Variants in AMPD1 observed in about 807,000 individuals in gnomAD.
AMPD1 encodes AMP deaminase 1.
Under a neutral mutation model 82.9 loss-of-function variants are expected in AMPD1, and 74 were observed. The observed-to-expected ratio is 0.89, with a 90% CI of 0.74 to 1.08. The LOEUF (loss-of-function observed/expected upper bound fraction) is 1.08, where lower values mean the gene tolerates loss of function less well. AMPD1 is among the 50% of genes least tolerant of loss of function. AMPD1 has a pLI of 0.00. For synonymous variants in AMPD1, 333 were observed against 320.5 expected, an observed-to-expected ratio of 1.04 and a Z score of -0.42; for missense variants, 881 against 924.5, an observed-to-expected ratio of 0.95 and a Z score of 0.61.
At chr1:114,694,761 C>T (rs1658629374) in intron 1 of AMPD1, among the ~76,000 whole-genome samples, 1 of 152,018 alleles carries the variant, frequency 6.6e-6, no homozygotes, top group Non-Finnish European at 1.5e-5. Flanking sequence ...GGAGGATCAC[C>T]AGATCCCAGA....
At chr1:114,689,686 G>A (rs111282032) in intron 2 of AMPD1, among the ~76,000 whole-genome samples, 15 of 152,252 alleles carry the variant, frequency 9.9e-5, no homozygotes, top group African/African-American at 2.9e-4. Context: ...GCATGGTAGT[G>A]CATGCCTGTA....
chr1:114,688,045 G>A (rs878987393), intron 3 of AMPD1, among the ~76,000 whole-genome samples: 3 of 152,086 alleles, frequency 2.0e-5, no homozygotes, highest in Admixed American at 1.3e-4. Context: ...AGATATGGAC[G>A]AGATAGGAGG....
chr1:114,693,127 A>C (rs944812662), intron 2 of AMPD1, among the ~76,000 whole-genome samples: 2 of 143,546 alleles, frequency 1.4e-5, no homozygotes, highest in African/African-American at 5.2e-5. Context: ...AAAATAAATA[A>C]ATAAATAAAT....
chr1:114,673,776 A>C, intron 14 of AMPD1, 27 bp from the exon 15 acceptor site: 1 of 1,587,808 alleles, frequency 6.3e-7, no homozygotes, highest in Admixed American at 1.7e-5. Flanking sequence ...TGAGGAAAAA[A>C]GAGGAGTGAA....
In AMPD1 at chr1:114,681,609, A is replaced by G. The variant is rs1408647568; in HGVS notation, c.548-1131T>C. Among the ~76,000 whole-genome samples, 12 of 151,222 alleles carry G rather than the reference A, an allele frequency of 7.9e-5. 1 individual carries two copies. The highest frequency in any genetic ancestry group is 5.3e-4 in the Admixed American group (8 of 15,164). ...ACTCCATCTCAAAAAAAAAAAAAAA[A>G]AGAGAAAAAGAAAAAGAAAATGCAA... On this transcript the variant is annotated intron_variant, in intron 5 of 15. Transcript: ENST00000520113.
intron 10 of AMPD1, chr1:114,676,359 C>A (rs538112959): frequency 7.4e-5 from 22 of 298,850 alleles, no homozygotes; most frequent in African/African-American, 4.6e-4. Context: ...AAATGATTAC[C>A]AAGAATACCT....
At chr1:114,686,522 A>C (rs1162976270) in intron 4 of AMPD1, among the ~76,000 whole-genome samples, 1 of 152,188 alleles carries the variant, frequency 6.6e-6, no homozygotes, top group Non-Finnish European at 1.5e-5. Context: ...CATATTCTCC[A>C]TGTGCAAGCA....
At chr1:114,673,861 A>G (rs1380811303) in intron 14 of AMPD1, 48 bp downstream of exon 14, 2 of 1,603,242 alleles carry the variant, frequency 1.2e-6, no homozygotes, top group African/African-American at 2.7e-5. Context: ...TGGACGGGAA[A>G]CAACAGTCCA....
intron 4 of AMPD1, 79 bp downstream of exon 4, chr1:114,686,666 G>A (rs1658326226): frequency 6.7e-7 from 1 of 1,497,766 alleles, no homozygotes; most frequent in Non-Finnish European, 9.3e-7. Context: ...CAACAGGAAA[G>A]AGAAGAAGGC....
Position 114,688,652 on chromosome 1 carries a change from C to G in AMPD1, c.124G>C (p.Asp42His), listed in dbSNP as rs753932146. 1.9e-6 allele frequency: 3 copies of G among 1,614,146 alleles called. No individual in the cohort carries two copies. Among genetic ancestry groups the G allele is most frequent in the South Asian group, 2.2e-5 (2 of 91,080 alleles). ...EGGRQEISPF[D>H]VDEICPISHH... Reference sequence around the variant, plus strand: ...GAAATCGGACAGATCTCATCCACATCAAAGGGGGAAATCTCCTGACGACCT... The same window carrying G: ...GAAATCGGACAGATCTCATCCACATGAAAGGGGGAAATCTCCTGACGACCT... Residue 42 changes from aspartate to histidine, a missense_variant, in exon 3 of 16, where the codon GAT (aspartate) becomes CAT (histidine). Physicochemically the swap from Asp to His is moderately conservative, Grantham distance 81 (BLOSUM62 -1). This residue lies in a region of AMPD1 where 783 missense variants were observed against 786.4 expected (regional missense o/e 1.00). Transcript: ENST00000520113.
At position 114,674,855 on chromosome 1, in the gene AMPD1, G is replaced by A. The variant is rs781393982; in HGVS notation, c.1697C>T (p.Thr566Met). 23 of 1,613,970 alleles carry A rather than the reference G, an allele frequency of 1.4e-5. No individual in the cohort carries two copies. The highest frequency in any genetic ancestry group is 2.2e-5 in the East Asian group (1 of 44,882). Residue 566 changes from threonine (T) to methionine (M), a missense_variant, in exon 13 of 16, where the codon ACG becomes ATG. Physicochemically the swap from Thr to Met is moderately conservative, Grantham distance 81 (BLOSUM62 -1). Coordinates refer to ENST00000520113, the MANE Select transcript of AMPD1 (RefSeq NM_000036.3). ...TCCACAGTGAGGTCGGAACAGAAAC[G>A]TATTCATGCCTCGTTCCCTGGGGAA... ...NSLRKERGMN[T>M]FLFRPHCGEA...
chr1:114,681,716 T>C (rs968739226), intron 5 of AMPD1, among the ~76,000 whole-genome samples: 2 of 152,054 alleles, frequency 1.3e-5, no homozygotes, highest in African/African-American at 4.8e-5. Context: ...TTTGTTATAA[T>C]AGATGAATAT....
rs899116032 is a variant in AMPD1, at chr1:114,684,215, A to G, written c.531T>C (p.Asn177=). 1.9e-6 allele frequency: 3 copies of G among 1,614,060 alleles called. No individual in the cohort carries two copies. The highest frequency in any genetic ancestry group is 1.1e-5 in the South Asian group (1 of 91,094). ...RNIDGEAWVA[N]ESFYPVFTPP... ...AATTGTTACCTGGATAGAAGCTCTC[A>G]TTTGCTACCCAAGCCTCACCATCAA... Residue 177 remains asparagine (N), a synonymous_variant, in exon 5 of 16, where the codon AAT becomes AAC. Coordinates refer to ENST00000520113, the MANE Select transcript of AMPD1 (RefSeq NM_000036.3).
Position 114,674,772 on chromosome 1 carries a change from G to T in AMPD1, c.1780C>A (p.His594Asn), listed in dbSNP as rs1253410349. 1.9e-6 allele frequency: 3 copies of T among 1,613,602 alleles called. No individual in the cohort carries two copies. The East Asian group carries it at 6.7e-5, about 36-fold the overall frequency. Residue 594 changes from histidine to asparagine, a missense_variant, in exon 13 of 16, where the codon CAT becomes AAT. By Grantham distance (68) the His-to-Asn change is moderately conservative. This residue lies in a region of AMPD1 where 783 missense variants were observed against 786.4 expected (regional missense o/e 1.00). Coordinates refer to ENST00000520113, the MANE Select transcript of AMPD1 (RefSeq NM_000036.3). ...TAFMIADDIS[H>N]GLNLKKSPVL... Reference sequence around the variant, plus strand: ...CTCACCTTTTTTAAATTTAGGCCATGAGAGATATCATCTGCTATCATGAAT... The same window carrying T: ...CTCACCTTTTTTAAATTTAGGCCATTAGAGATATCATCTGCTATCATGAAT...
chr1:114,682,716 C>T lies in AMPD1; in HGVS notation c.547+1483G>A, dbSNP rs1043649436. 1.8e-4 allele frequency among the ~76,000 whole-genome samples: 28 copies of T among 152,190 alleles called. 1 individual carries two copies. The highest frequency in any genetic ancestry group is 1.0e-3 in the Admixed American group (16 of 15,298). On this transcript the variant is annotated intron_variant, in intron 5 of 15. Coordinates refer to ENST00000520113, the MANE Select transcript of AMPD1 (RefSeq NM_000036.3). Reference sequence around the variant, plus strand: ...GCCTCAGCCTCCGGAGTAGCTGGGACTACAGGCGCCCGCCACCACGCCTGG... The same window carrying T: ...GCCTCAGCCTCCGGAGTAGCTGGGATTACAGGCGCCCGCCACCACGCCTGG...
Position 114,677,520 on chromosome 1 carries a change from A to C in AMPD1, c.1225-6T>G. 1 of 1,613,610 alleles carries C rather than the reference A, an allele frequency of 6.2e-7. No homozygotes were observed. The highest frequency in any genetic ancestry group is 1.1e-5 in the South Asian group (1 of 91,046). On this transcript the variant is annotated splice_region_variant and splice_polypyrimidine_tract_variant and intron_variant, in intron 9 of 15. Transcript: ENST00000520113. ...ACCAGGTCCGCACCTACCTCCTGCA[A>C]AGCCAAGAGAGAAGTCCAAGCCAGG...
chr1:114,689,017 T>C, intron 2 of AMPD1: 2 of 659,020 alleles, frequency 3.0e-6, no homozygotes, highest in Admixed American at 1.8e-5. Flanking sequence ...CGGGCTGTTG[T>C]AGGACTAGCA....
At chr1:114,690,068 T>C (rs1037582315) in intron 2 of AMPD1, among the ~76,000 whole-genome samples, 40 of 152,190 alleles carry the variant, frequency 2.6e-4, no homozygotes, top group Admixed American at 2.3e-3. Context: ...AAACTGTATG[T>C]AGAGAGAAAG....
At chr1:114,688,168 C>T (rs1028918469) in intron 3 of AMPD1, among the ~76,000 whole-genome samples, 3 of 151,972 alleles carry the variant, frequency 2.0e-5, no homozygotes, top group Non-Finnish European at 1.5e-5. Context: ...CGCTCTGTCA[C>T]GCAGGCTGGA....
Sources: allele counts gnomAD v4.1 joint callset (sites outside exome capture counted in the v4.1 genomes callset), GRCh38; gene constraint gnomAD v4.1.1; regional missense constraint gnomAD v4.1.1; transcripts MANE v1.5; gene names NCBI Gene and HGNC (gene_info 2026-07-23, HGNC 2026-07-21).